AGT: variants seen among roughly 807,000 people sequenced by gnomAD.
The protein encoded by AGT is alpha-1 antiproteinase, antitrypsin.
Under a neutral mutation model 28.1 loss-of-function variants are expected in AGT, and 26 were observed. The observed-to-expected ratio is 0.92, with a 90% CI of 0.68 to 1.28. AGT has a LOEUF of 1.28. AGT is among the 50% of genes most tolerant of loss of function. The probability of loss-of-function intolerance (pLI) is 0.00; values close to 1 mark genes in which losing one functional copy is unlikely to be tolerated. For missense variants in AGT, 596 were observed against 592.3 expected (o/e 1.01, Z -0.06); for synonymous variants, 259 against 259.6 (o/e 1.00, Z 0.02).
intron 1 of AGT, among the ~76,000 whole-genome samples, chr1:230,739,493 G>A (rs112011964): frequency 0.043 from 6,478 of 152,158 alleles, 195 homozygotes; most frequent in Middle Eastern, 0.12. Context: ...CAAAGCTGGG[G>A]ACCACTGAGA....
Position 230,709,976 on chromosome 1 carries a change from G to A in AGT, c.829+19C>T, listed in dbSNP as rs1157179183. On this transcript the variant is annotated intron_variant, in intron 2 of 4. Coordinates refer to ENST00000366667, the MANE Select transcript of AGT (RefSeq NM_001384479.1). ...ATACTAAGTCCTAGGGCCAGAGCCA[G>A]CAGAGAGGTTTGCCTTACCTTGGAA... 1.9e-6 allele frequency: 3 copies of A among 1,614,134 alleles called. No individual in the cohort carries two copies. The highest frequency in any genetic ancestry group is 2.5e-6 in the Non-Finnish European group (3 of 1,180,024).
chr1:230,716,842 G>A (rs1663747177), upstream of AGT, among the ~76,000 whole-genome samples: 1 of 151,924 alleles, frequency 6.6e-6, no homozygotes, highest in Admixed American at 6.6e-5. Context: ...TCGGATCCAG[G>A]AAACCAGCCA....
chr1:230,710,040 T>G lies in AGT; in HGVS notation c.784A>C (p.Ser262Arg). 3 of 1,614,074 alleles carry G rather than the reference T, an allele frequency of 1.9e-6. No homozygotes were observed. Among genetic ancestry groups the G allele is most frequent in the Non-Finnish European group, 2.5e-6 (3 of 1,179,992 alleles). Reference protein sequence around the residue: ...WKTGCSLMGASVDSTLAFNTY... With the variant: ...WKTGCSLMGARVDSTLAFNTY... ...TTGAAAGCCAGGGTGCTGTCCACAC[T>G]GGCTCCCATCAGGGAGCAGCCAGTC... Residue 262 changes from serine to arginine, a missense_variant, in exon 2 of 5, where the codon AGT becomes CGT. Ser to Arg is a moderately radical substitution (Grantham distance 110). Coordinates refer to ENST00000366667, the MANE Select transcript of AGT (RefSeq NM_001384479.1).
At chr1:230,737,567 C>T (rs141002388) in intron 1 of AGT, among the ~76,000 whole-genome samples, 1 of 152,150 alleles carries the variant, frequency 6.6e-6, no homozygotes, top group Non-Finnish European at 1.5e-5. Context: ...CTGCCTCAGC[C>T]TCCCAAAGTG....
At chr1:230,717,181 T>C (rs764981940), upstream of AGT, among the ~76,000 whole-genome samples, 11 of 151,568 alleles carry the variant, frequency 7.3e-5, no homozygotes, top group Admixed American at 3.3e-4. Context: ...GTTTAAAGTA[T>C]AGCTCTTTTT....
At chr1:230,726,093 A>T (rs1444464386) in intron 1 of AGT, among the ~76,000 whole-genome samples, 1 of 152,172 alleles carries the variant, frequency 6.6e-6, no homozygotes, top group African/African-American at 2.4e-5. Context: ...GAATGACTTC[A>T]CTTGGCATCA....
upstream of AGT, among the ~76,000 whole-genome samples, chr1:230,716,787 G>A (rs1977413): frequency 0.26 from 39,336 of 151,820 alleles, 6,726 homozygotes; most frequent in East Asian, 0.49. Flanking sequence ...CCAGTCTCTG[G>A]TATGTCTTTA....
At chr1:230,704,452 C>T in intron 3 of AGT, 115 bp from the exon 4 acceptor site, 1 of 1,337,714 alleles carries the variant, frequency 7.5e-7, no homozygotes, top group Non-Finnish European at 1.0e-6. Context: ...ATGTTTGCTC[C>T]CCCCATCACC....
intron 1 of AGT, among the ~76,000 whole-genome samples, chr1:230,731,414 TC>T (rs1394734306): frequency 2.0e-5 from 3 of 152,138 alleles, no homozygotes; most frequent in African/African-American, 7.2e-5. Context: ...AGAGGAAAAC[TC>T]CCCAAGGCTG....
intron 1 of AGT, among the ~76,000 whole-genome samples, chr1:230,731,377 C>T (rs1354767997): frequency 6.6e-6 from 1 of 152,214 alleles, no homozygotes; most frequent in Non-Finnish European, 1.5e-5. Flanking sequence ...GTTATTTCTT[C>T]AGTATAAATC....
chr1:230,720,351 G>A (rs1243919653), intron 1 of AGT, among the ~76,000 whole-genome samples: 2 of 152,092 alleles, frequency 1.3e-5, no homozygotes, highest in Non-Finnish European at 2.9e-5. Flanking sequence ...ATCCTTTAGG[G>A]CACAATTTCA....
intron 1 of AGT, among the ~76,000 whole-genome samples, chr1:230,730,885 G>T (rs146547193): frequency 3.3e-5 from 5 of 152,082 alleles, no homozygotes; most frequent in Non-Finnish European, 5.9e-5. Context: ...GACATCAATC[G>T]CATCCTACAT....
chr1:230,710,881 A>G (rs1243189123), intron 1 of AGT, 28 bp from the exon 2 acceptor site: 15 of 1,606,474 alleles, frequency 9.3e-6, no homozygotes, highest in Non-Finnish European at 1.2e-5. Context: ...AAAGGGTGAA[A>G]GGTGGTTATT....
At chr1:230,711,115 C>T (rs1261092924) in intron 1 of AGT, among the ~76,000 whole-genome samples, 2 of 152,162 alleles carry the variant, frequency 1.3e-5, no homozygotes, top group Non-Finnish European at 2.9e-5. Context: ...AGTCCTCAAC[C>T]CCAGGACCTC....
chr1:230,736,837 C>T (rs1168855387), intron 1 of AGT, among the ~76,000 whole-genome samples: 4 of 152,138 alleles, frequency 2.6e-5, no homozygotes, highest in Non-Finnish European at 5.9e-5. Context: ...CTGAATGCTT[C>T]CCTGGAGTCT....
intron 1 of AGT, among the ~76,000 whole-genome samples, chr1:230,738,814 C>T (rs1664194685): frequency 6.6e-6 from 1 of 152,124 alleles, no homozygotes; most frequent in Admixed American, 6.6e-5. Context: ...ACTAAATACA[C>T]AACTGTAGAT....
rs1339104676 is a variant in AGT at position 230,710,745 on chromosome 1, C to G, written c.79G>C (p.Val27Leu). 10 of 1,614,166 alleles carry G rather than the reference C, an allele frequency of 6.2e-6. No individual in the cohort carries two copies. Among genetic ancestry groups the G allele is most frequent in the Non-Finnish European group, 7.6e-6 (9 of 1,180,000 alleles). The part of the protein sequence containing the change: ...AWAGLAAGDR[V>L]YIHPFHLVIH... The stretch of plus-strand genomic sequence containing the variant: ...ACGAGGTGGAAGGGGTGTATGTACA[C>G]CCGGTCACCTGCAGCCAGGCCAGCC... Residue 27 changes from valine (V) to leucine (L), a missense_variant, in exon 2 of 5, where the codon GTG becomes CTG. By Grantham distance (32) the Val-to-Leu change is conservative. Coordinates refer to ENST00000366667, the MANE Select transcript of AGT (RefSeq NM_001384479.1).
intron 1 of AGT, among the ~76,000 whole-genome samples, chr1:230,721,482 A>C (rs1663842430): frequency 6.6e-6 from 1 of 152,242 alleles, no homozygotes; most frequent in Admixed American, 6.5e-5. Flanking sequence ...AGAGTGGGAC[A>C]CTGCTGTAAA....
At chr1:230,736,375 C>T (rs1039275802) in intron 1 of AGT, among the ~76,000 whole-genome samples, 1 of 151,868 alleles carries the variant, frequency 6.6e-6, no homozygotes, top group African/African-American at 2.4e-5. Flanking sequence ...TACAAAAAGC[C>T]GGGCATGGTG....
Sources: gnomAD v4.1 joint callset for allele counts (sites outside exome capture counted in the v4.1 genomes callset) on GRCh38, gnomAD v4.1.1 for gene constraint, MANE v1.5 for transcripts, NCBI Gene and HGNC (gene_info 2026-07-23, HGNC 2026-07-21) for gene names.